Variants in NEGR1 observed in about 807,000 individuals in gnomAD.
The protein encoded by NEGR1 is neuronal growth regulator 1.
A neutral mutation model predicts 40.9 loss-of-function variants in NEGR1; 10 were observed. The ratio of observed to expected loss-of-function variants is 0.24; its 90% CI spans 0.15 to 0.42. The LOEUF (loss-of-function observed/expected upper bound fraction) is 0.42. NEGR1 is among the 10% of genes least tolerant of loss of function. The pLI is 1.00. For synonymous variants in NEGR1, 185 were observed against 166.8 expected (o/e 1.11, Z -0.84); for missense variants, 352 against 438.9 (o/e 0.80, Z 1.77).
intron 2 of NEGR1, among the ~76,000 whole-genome samples, chr1:71,778,465 T>C (rs2101720805): frequency 6.6e-6 from 1 of 152,310 alleles, no homozygotes; most frequent in East Asian, 1.9e-4. Flanking sequence ...TAAGTTATGA[T>C]GTTCGATAGT....
chr1:71,602,803 C>T (rs1427319788), intron 5 of NEGR1, among the ~76,000 whole-genome samples: 2 of 152,028 alleles, frequency 1.3e-5, no homozygotes, highest in Non-Finnish European at 2.9e-5. Flanking sequence ...TGGAGGTGGC[C>T]CACTTTCATC....
At position 72,090,420 on chromosome 1, in the gene NEGR1, G is replaced by T. The variant is rs944427277; in HGVS notation, c.177-155109C>A. 8.2e-5 allele frequency among the ~76,000 whole-genome samples: 12 copies of T among 147,006 alleles called. No individual in the cohort carries two copies. The South Asian group carries it at 1.9e-3, about 24-fold the overall frequency. ...TAGAAATAAAGACTAAAGTAGCGAA[G>T]ATTTCTTTTGTAATTAATATGTATG... On this transcript the variant is annotated intron_variant, in intron 1 of 6. Transcript: ENST00000357731.
intron 6 of NEGR1, among the ~76,000 whole-genome samples, chr1:71,420,848 G>A (rs1182524374): frequency 1.3e-5 from 2 of 151,962 alleles, no homozygotes; most frequent in African/African-American, 4.8e-5. Context: ...ATCTTAAAAT[G>A]TTTCTAAATA....
chr1:72,216,151 C>T (rs1195605709), intron 1 of NEGR1, among the ~76,000 whole-genome samples: 1 of 151,610 alleles, frequency 6.6e-6, no homozygotes, highest in East Asian at 2.0e-4. Flanking sequence ...AATTGGAAGT[C>T]GTACAACGAG....
chr1:72,242,036 A>T (rs946547319), intron 1 of NEGR1, among the ~76,000 whole-genome samples: 3 of 137,418 alleles, frequency 2.2e-5, no homozygotes, highest in African/African-American at 8.7e-5. Flanking sequence ...GGAAACAATA[A>T]TTATGTGTTT....
intron 4 of NEGR1, among the ~76,000 whole-genome samples, chr1:71,695,837 A>G (rs577742914): frequency 1.3e-5 from 2 of 151,904 alleles, no homozygotes; most frequent in African/African-American, 4.8e-5. Flanking sequence ...AGTTTAATAA[A>G]GATAATTTCC....
chr1:71,675,112 C>CATATAT (rs1553157758), intron 4 of NEGR1, among the ~76,000 whole-genome samples: 30 of 45,204 alleles, frequency 6.6e-4, no homozygotes, highest in South Asian at 2.6e-3. Flanking sequence ...CATGTTTATT[C>CATATAT]ATATATATAT....
At chr1:71,429,089 A>T (rs141863284) in intron 6 of NEGR1, among the ~76,000 whole-genome samples, 11 of 152,320 alleles carry the variant, frequency 7.2e-5, no homozygotes, top group African/African-American at 2.6e-4. Context: ...TTCTTTGATT[A>T]AAAGGTTACA....
At chr1:72,217,933 G>C (rs6659016) in intron 1 of NEGR1, among the ~76,000 whole-genome samples, 31,282 of 151,588 alleles carry the variant, frequency 0.21, 3,739 homozygotes, top group South Asian at 0.28. Context: ...TATTATAATA[G>C]ACAAGATAAT....
At chr1:71,495,537 A>G (rs1055619670) in intron 6 of NEGR1, among the ~76,000 whole-genome samples, 1 of 152,046 alleles carries the variant, frequency 6.6e-6, no homozygotes, top group Non-Finnish European at 1.5e-5. Context: ...TGACTACACA[A>G]GGAATTGCTG....
rs572478911 is a variant in NEGR1, at chr1:71,850,393, C to A, written c.410-74096G>T. ...CTGGTCTTGAGTTCCTGGGCTCAAG[C>A]AATCCTCCCTCCTCAGCCTCCCAAA... is the stretch of plus-strand genomic sequence containing the variant. On this transcript the variant is annotated intron_variant, in intron 2 of 6. Transcript: ENST00000357731. Among the ~76,000 whole-genome samples, 233 of 152,150 alleles carry A rather than the reference C, an allele frequency of 1.5e-3. 2 individuals carry two copies. Among genetic ancestry groups the A allele is most frequent in the African/African-American group, 5.4e-3 (225 of 41,504 alleles).
At chr1:71,932,914 G>A (rs1348168111) in intron 2 of NEGR1, among the ~76,000 whole-genome samples, 1 of 152,004 alleles carries the variant, frequency 6.6e-6, no homozygotes, top group African/African-American at 2.4e-5. Flanking sequence ...TTTAGTACTT[G>A]AATTGACTGA....
intron 2 of NEGR1, among the ~76,000 whole-genome samples, chr1:71,828,784 T>A (rs982294508): frequency 3.3e-5 from 5 of 151,928 alleles, no homozygotes; most frequent in Admixed American, 3.3e-4. Flanking sequence ...TGATTCTGTG[T>A]CATTATTTAC....
intron 1 of NEGR1, among the ~76,000 whole-genome samples, chr1:72,257,471 C>T (rs527831081): frequency 1.1e-3 from 163 of 152,096 alleles, no homozygotes; most frequent in African/African-American, 3.9e-3. Context: ...TTATTATTGT[C>T]ATCACTGATT....
At chr1:71,523,430 T>A (rs1352539878) in intron 6 of NEGR1, among the ~76,000 whole-genome samples, 1 of 152,096 alleles carries the variant, frequency 6.6e-6, no homozygotes, top group African/African-American at 2.4e-5. Flanking sequence ...GAGAAGTAGA[T>A]GTTTGTTGAA....
At chr1:71,559,527 G>T (rs1648371869) in intron 6 of NEGR1, among the ~76,000 whole-genome samples, 1 of 151,452 alleles carries the variant, frequency 6.6e-6, no homozygotes, top group Admixed American at 6.6e-5. Flanking sequence ...TTTTTGTGAT[G>T]CACATTTCTA....
At chr1:71,603,763 T>A (rs1021814833) in intron 5 of NEGR1, among the ~76,000 whole-genome samples, 1 of 152,204 alleles carries the variant, frequency 6.6e-6, no homozygotes, top group East Asian at 1.9e-4. Context: ...TGTATTCTTA[T>A]CTCATTTTTA....
intron 6 of NEGR1, among the ~76,000 whole-genome samples, chr1:71,472,997 T>G (rs1477729093): frequency 6.6e-6 from 1 of 152,012 alleles, no homozygotes; most frequent in Non-Finnish European, 1.5e-5. Context: ...GCGAAAGTGA[T>G]AAAATAATTT....
At chr1:71,543,702 T>C (rs143204222) in intron 6 of NEGR1, among the ~76,000 whole-genome samples, 22 of 151,848 alleles carry the variant, frequency 1.4e-4, no homozygotes, top group Non-Finnish European at 3.1e-4. Flanking sequence ...ATCTAGGTTT[T>C]GCTTGGTCTA....
Sources: allele counts gnomAD v4.1 joint callset (sites outside exome capture counted in the v4.1 genomes callset), GRCh38; gene constraint gnomAD v4.1.1; transcripts MANE v1.5; gene names NCBI Gene and HGNC (gene_info 2026-07-23, HGNC 2026-07-21).